Variants in VTA1 observed in about 807,000 individuals in gnomAD.
The protein encoded by VTA1 is vacuolar protein sorting-associated protein VTA1 homolog.
A neutral mutation model predicts 36.9 loss-of-function variants in VTA1; 24 were observed. That is an observed-to-expected ratio of 0.65 (90% CI 0.47 to 0.91). The LOEUF (loss-of-function observed/expected upper bound fraction) is 0.91, where lower values mean the gene tolerates loss of function less well. VTA1 is among the 40% of genes least tolerant of loss of function. The pLI is 0.00. For missense variants in VTA1, 393 were observed against 377.2 expected, an observed-to-expected ratio of 1.04 and a Z score of -0.35; for synonymous variants, 142 against 130.2, an observed-to-expected ratio of 1.09 and a Z score of -0.62.
chr6:142,157,343 C>T (rs1778680573), intron 1 of VTA1, among the ~76,000 whole-genome samples: 1 of 152,104 alleles, frequency 6.6e-6, no homozygotes, highest in African/African-American at 2.4e-5. Context: ...TGCTTGATTA[C>T]TTACTTTTTT....
At chr6:142,183,465 G>C (rs1056519331) in intron 4 of VTA1, among the ~76,000 whole-genome samples, 1 of 152,160 alleles carries the variant, frequency 6.6e-6, no homozygotes, top group Non-Finnish European at 1.5e-5. Flanking sequence ...TCATGCTTCA[G>C]TGTAGCAAGT....
At chr6:142,211,622 A>T (rs1775905364) in intron 7 of VTA1, among the ~76,000 whole-genome samples, 1 of 151,800 alleles carries the variant, frequency 6.6e-6, no homozygotes, top group Non-Finnish European at 1.5e-5. Flanking sequence ...GAGGCAGGAG[A>T]ATGGCATGAA....
rs1245706709 is a variant in VTA1, at chr6:142,214,086, T to C, written c.779-4412T>C. Among the ~76,000 whole-genome samples the C allele has an allele frequency of 3.3e-5, 5 of 152,152 alleles. No homozygotes were observed. The South Asian group carries it at 6.2e-4, about 19-fold the overall frequency. On this transcript the variant is annotated intron_variant, in intron 7 of 7. Coordinates refer to ENST00000367630, the MANE Select transcript of VTA1 (RefSeq NM_016485.5). ...AAATATAAGTTCCATTTTCAGATAA[T>C]CTCTTTGTTCATGCATATGAGCCTA...
At chr6:142,202,879 T>C (rs1204511036) in intron 6 of VTA1, among the ~76,000 whole-genome samples, 5 of 152,000 alleles carry the variant, frequency 3.3e-5, no homozygotes, top group African/African-American at 7.2e-5. Context: ...AATTTTTAGT[T>C]AAAAAGCAAT....
At chr6:142,210,555 A>G (rs1775883994) in intron 7 of VTA1, among the ~76,000 whole-genome samples, 1 of 152,230 alleles carries the variant, frequency 6.6e-6, no homozygotes, top group Non-Finnish European at 1.5e-5. Flanking sequence ...TAACCAGAAT[A>G]TATAAGGAAC....
intron 2 of VTA1, among the ~76,000 whole-genome samples, chr6:142,169,325 T>C (rs9496288): frequency 2.1e-4 from 32 of 152,322 alleles, no homozygotes; most frequent in African/African-American, 7.5e-4. Flanking sequence ...AATTATATTT[T>C]CAGTTTATCA....
At chr6:142,189,600 A>G (rs1292379975) in intron 5 of VTA1, 66 bp downstream of exon 5, 4 of 1,275,976 alleles carry the variant, frequency 3.1e-6, no homozygotes, top group East Asian at 4.8e-5. Context: ...AGATTACTCA[A>G]AGTTTTTGGA....
At chr6:142,178,318 T>C (rs1437687206) in intron 4 of VTA1, among the ~76,000 whole-genome samples, 1 of 151,788 alleles carries the variant, frequency 6.6e-6, no homozygotes, top group African/African-American at 2.4e-5. Context: ...ATAAAACAAA[T>C]GAACAAAAAC....
intron 4 of VTA1, among the ~76,000 whole-genome samples, chr6:142,171,039 T>G (rs999547733): frequency 6.6e-6 from 1 of 152,196 alleles, no homozygotes; most frequent in African/African-American, 2.4e-5. Flanking sequence ...AACATATTAC[T>G]AATCCTGTAT....
intron 7 of VTA1, among the ~76,000 whole-genome samples, chr6:142,217,213 T>C (rs1698246318): frequency 6.6e-6 from 1 of 152,146 alleles, no homozygotes; most frequent in Non-Finnish European, 1.5e-5. Context: ...TCAACAAATA[T>C]TTGAAGACTT....
intron 7 of VTA1, among the ~76,000 whole-genome samples, chr6:142,212,630 A>G (rs999901366): frequency 3.3e-5 from 5 of 152,182 alleles, no homozygotes; most frequent in Non-Finnish European, 5.9e-5. Flanking sequence ...GAGACTGGGT[A>G]ATGTATGAAG....
chr6:142,209,149 A>G (rs1244682627), intron 7 of VTA1, among the ~76,000 whole-genome samples: 2 of 152,150 alleles, frequency 1.3e-5, no homozygotes, highest in East Asian at 3.9e-4. Flanking sequence ...AAAAACCTAA[A>G]GACTCCACCA....
chr6:142,185,468 A>AGC (rs1227936842), intron 4 of VTA1, among the ~76,000 whole-genome samples: 1 of 152,200 alleles, frequency 6.6e-6, no homozygotes, highest in African/African-American at 2.4e-5. Flanking sequence ...TCATTGCTGG[A>AGC]GCATAGGTTA....
intron 4 of VTA1, among the ~76,000 whole-genome samples, chr6:142,170,664 G>T (rs1775011949): frequency 6.6e-6 from 1 of 151,962 alleles, no homozygotes; most frequent in South Asian, 2.1e-4. Flanking sequence ...ACAGGATATT[G>T]CTCTGTTGCC....
rs888679023 is a variant in VTA1, at chr6:142,161,097, T to G, written c.113-5131T>G. Among the ~76,000 whole-genome samples the G allele has an allele frequency of 6.4e-5, 9 of 140,254 alleles. No homozygotes were observed. The East Asian group carries it at 7.7e-4, about 12-fold the overall frequency. The allele number at this position is 140,254 out of a possible 152,430, so 92.0% of individuals were successfully genotyped here. A position where few individuals can be genotyped will look rare whatever the true frequency, so the allele number is the denominator to read the frequency against. ...CTTCCTTCCCCCCCCCCCCTTTTTTTGGGTCAAATAGTGTGCCTAAATTAT... is the reference window on the plus strand; with the variant it reads ...CTTCCTTCCCCCCCCCCCCTTTTTTGGGGTCAAATAGTGTGCCTAAATTAT... On this transcript the variant is annotated intron_variant, in intron 1 of 7. Coordinates refer to ENST00000367630, the MANE Select transcript of VTA1 (RefSeq NM_016485.5).
chr6:142,188,205 A>G (rs2114663628), intron 4 of VTA1, among the ~76,000 whole-genome samples: 1 of 130,780 alleles, frequency 7.6e-6, no homozygotes, highest in East Asian at 2.4e-4. Flanking sequence ...CACTGTGCCT[A>G]GCCCTCTATT....
chr6:142,159,966 C>T (rs918233389), intron 1 of VTA1, among the ~76,000 whole-genome samples: 1 of 151,930 alleles, frequency 6.6e-6, no homozygotes, highest in Non-Finnish European at 1.5e-5. Context: ...ATTGTTTGAT[C>T]TCATACTGTT....
At chr6:142,209,433 A>G (rs1039254032) in intron 7 of VTA1, among the ~76,000 whole-genome samples, 1 of 151,364 alleles carries the variant, frequency 6.6e-6, no homozygotes, top group African/African-American at 2.4e-5. Flanking sequence ...ATTCTGATGA[A>G]CATAATACAA....
At chr6:142,155,769 C>T (rs1233438752) in intron 1 of VTA1, among the ~76,000 whole-genome samples, 1 of 152,174 alleles carries the variant, frequency 6.6e-6, no homozygotes, top group Non-Finnish European at 1.5e-5. Context: ...CCTTTGGGTA[C>T]TAGCTTGAAA....
Sources: gnomAD v4.1 joint callset for allele counts (sites outside exome capture counted in the v4.1 genomes callset) on GRCh38, gnomAD v4.1.1 for gene constraint, MANE v1.5 for transcripts, NCBI Gene and HGNC (gene_info 2026-07-23, HGNC 2026-07-21) for gene names.